The following CHST15 variants were observed in gnomAD, a reference collection of about 807,000 sequenced individuals.
CHST15 encodes the protein carbohydrate sulfotransferase 15.
Under a neutral mutation model 53.6 loss-of-function variants are expected in CHST15, and 30 were observed. The ratio of observed to expected loss-of-function variants is 0.56; its 90% confidence interval spans 0.42 to 0.76. CHST15 has a LOEUF of 0.76. Among genes scored for constraint, CHST15 ranks in the 30% least tolerant of loss-of-function variants. The pLI, the probability that CHST15 is intolerant of heterozygous loss-of-function variation, is 0.00. For missense variants in CHST15, 627 were observed against 740.5 expected, an observed-to-expected ratio of 0.85 and a Z score of 1.78; for synonymous variants, 296 against 289.8, an observed-to-expected ratio of 1.02 and a Z score of -0.22.
chr10:124,024,738 A>G lies in CHST15; in HGVS notation c.1191-3326T>C, dbSNP rs1244189678. Among the ~76,000 whole-genome samples the G allele has an allele frequency of 3.9e-5, 6 of 152,234 alleles. No individual in the cohort carries two copies. Among genetic ancestry groups the G allele is most frequent in the Admixed American group, 1.3e-4 (2 of 15,286 alleles). ...TTACTATGACCTAAATGGCTGGTCAATAAGTGCCAAAATCAGACACGCGTG... is the reference window on the plus strand; with the variant it reads ...TTACTATGACCTAAATGGCTGGTCAGTAAGTGCCAAAATCAGACACGCGTG... On this transcript the variant is annotated intron_variant, in intron 5 of 7. Coordinates refer to ENST00000435907, the MANE Select transcript of CHST15 (RefSeq NM_001270764.2). The surrounding 1 kb of genome is among the most constrained non-coding windows in gnomAD (Gnocchi z 4.0).
intron 5 of CHST15, among the ~76,000 whole-genome samples, chr10:124,025,379 G>A (rs369320648): frequency 1.3e-5 from 2 of 152,188 alleles, no homozygotes; most frequent in African/African-American, 2.4e-5. Flanking sequence ...GCCAGGCCAC[G>A]CTCCTTCCTC....
intron 3 of CHST15, among the ~76,000 whole-genome samples, chr10:124,044,154 A>ACCGGCACAGAGCTTGGGAG (rs796234018): frequency 6.7e-6 from 1 of 149,410 alleles, no homozygotes; most frequent in African/African-American, 2.5e-5. Flanking sequence ...AGAGCAGGAA[A>ACCGGCACAGAGCTTGGGAG]CGGCACAGAG....
At chr10:124,071,958 G>A (rs1402816814) in intron 1 of CHST15, among the ~76,000 whole-genome samples, 2 of 152,226 alleles carry the variant, frequency 1.3e-5, no homozygotes, top group Non-Finnish European at 2.9e-5. Context: ...GCACGAGGCT[G>A]CTCAGGCCAG....
At chr10:124,038,801 C>A (rs1947622495) in intron 4 of CHST15, 130 bp from the exon 5 acceptor site, 4 of 906,064 alleles carry the variant, frequency 4.4e-6, no homozygotes. Context: ...AAGCTGTCAG[C>A]CTTTGCGGGC....
Position 124,008,818 on chromosome 10 carries a change from C to G in CHST15, c.*1331G>C. 8.2e-7 allele frequency: 1 copy of G among 1,223,764 alleles called. No homozygotes were observed. The highest frequency in any genetic ancestry group is 1.1e-6 in the Non-Finnish European group (1 of 950,668). The allele number at this position is 1,223,764 out of a possible 1,614,324, so 75.8% of individuals were successfully genotyped here. Reference sequence around the variant, plus strand: ...GTGCAAAGCTTCATCCAGGTCCCACCTGGGCTGTTGCCAAGGATGCTCAAG... The same window carrying G: ...GTGCAAAGCTTCATCCAGGTCCCACGTGGGCTGTTGCCAAGGATGCTCAAG... On this transcript the variant is annotated 3_prime_UTR_variant, in exon 8 of 8. Coordinates refer to ENST00000435907, the MANE Select transcript of CHST15 (RefSeq NM_001270764.2).
In CHST15 at chr10:124,019,082, GA is replaced by G. The variant is rs1946681486; in HGVS notation, c.1347+2173del. The stretch of plus-strand genomic sequence containing the variant: ...AAGGTCCTCCATGCGAGGCCTGCAG[GA>G]TGGAAGAGCCACCTGCACCAGGAAA... On this transcript the variant is annotated intron_variant, in intron 6 of 7. Transcript: ENST00000435907. This position sits in a 1 kb window ranked among gnomAD's most constrained non-coding sequence, Gnocchi z 4.6. Among the ~76,000 whole-genome samples the G allele has an allele frequency of 6.6e-6, 1 of 152,164 alleles. No individual in the cohort carries two copies.
intron 1 of CHST15, among the ~76,000 whole-genome samples, chr10:124,083,977 A>G (rs903087519): frequency 3.9e-5 from 6 of 152,206 alleles, no homozygotes; most frequent in African/African-American, 1.2e-4. Flanking sequence ...GGTCCTTCCC[A>G]AGGCTCACGG....
intron 3 of CHST15, 91 bp downstream of exon 3, chr10:124,044,489 C>A: frequency 9.2e-7 from 1 of 1,092,370 alleles, no homozygotes; most frequent in Non-Finnish European, 1.2e-6. Flanking sequence ...TTTCTGCCGC[C>A]CTCGCCCCCC....
chr10:124,038,510 C>T lies in CHST15; in HGVS notation c.1190+5G>A. The T allele has an allele frequency of 6.2e-7, 1 of 1,613,496 alleles. No individual in the cohort carries two copies. Among genetic ancestry groups the T allele is most frequent in the South Asian group, 1.1e-5 (1 of 91,088 alleles). On this transcript the variant is annotated splice_donor_5th_base_variant and intron_variant, in intron 5 of 7. Coordinates refer to ENST00000435907, the MANE Select transcript of CHST15 (RefSeq NM_001270764.2). ...CCCCAAATACAACACACAGAAACTG[C>T]TCACCTCTCCACAGGGTCCCTGAGC...
Position 124,020,266 on chromosome 10 carries a change from G to C in CHST15, c.1347+990C>G, listed in dbSNP as rs1002799556. 27 of 985,544 alleles carry C rather than the reference G, an allele frequency of 2.7e-5. No individual in the cohort carries two copies. In the African/African-American group the frequency reaches 4.5e-4, roughly 17 times the overall value. 61.0% of individuals were successfully genotyped at this position (985,544 alleles called of 1,614,324 possible). A position where few individuals can be genotyped will look rare whatever the true frequency, so the allele number is the denominator to read the frequency against. On this transcript the variant is annotated intron_variant, in intron 6 of 7. Transcript: ENST00000435907. The stretch of plus-strand genomic sequence containing the variant: ...GAGTCTCAGAAAGGCTGAGACAACT[G>C]CCTAGAGTCACAGAGCCAGCAAATG...
In CHST15 at chr10:124,010,225, C is replaced by T. The variant is rs1281580042; in HGVS notation, c.1610G>A (p.Arg537Gln). The T allele has an allele frequency of 5.6e-6, 9 of 1,614,024 alleles. No individual in the cohort carries two copies. Among genetic ancestry groups the T allele is most frequent in the South Asian group, 1.1e-5 (1 of 91,084 alleles). ...AGCGTTGAAGGGCCTGTAGAAATCC[C>T]GCAGAATCTTCTGTGTGATGGGCCA... Reference protein sequence around the residue: ...PMWPITQKILRDFYRPFNARL... With the variant: ...PMWPITQKILQDFYRPFNARL... The change falls in exon 8 of 8, where the codon CGG (arginine) becomes CAG (glutamine). Residue 537 changes from arginine to glutamine, a missense_variant. Coordinates refer to ENST00000435907, the MANE Select transcript of CHST15 (RefSeq NM_001270764.2).
At chr10:124,045,378 GACCACAT>G (rs1201523391) in intron 2 of CHST15, among the ~76,000 whole-genome samples, 1 of 152,092 alleles carries the variant, frequency 6.6e-6, no homozygotes, top group Non-Finnish European at 1.5e-5. Context: ...TAACTACCAC[GACCACAT>G]ATCAAGCAAG....
intron 6 of CHST15, among the ~76,000 whole-genome samples, chr10:124,017,278 CT>C (rs1268960085): frequency 6.6e-6 from 1 of 152,204 alleles, no homozygotes; most frequent in African/African-American, 2.4e-5. Context: ...ACCTGCCCCA[CT>C]TTTCCCAGTC....
At chr10:124,093,337 C>G (rs1949666341) in intron 1 of CHST15, 132 bp downstream of exon 1, 1 of 152,510 alleles carries the variant, frequency 6.6e-6, no homozygotes, top group African/African-American at 2.4e-5. Context: ...ACTCCCTACG[C>G]CCAGCCCCGG....
chr10:124,082,042 T>TCGGC (rs1391356812), intron 1 of CHST15, among the ~76,000 whole-genome samples: 10 of 152,178 alleles, frequency 6.6e-5, no homozygotes, highest in Admixed American at 6.5e-4. Flanking sequence ...CTGTTCTTAT[T>TCGGC]CGGCCGCTGG....
intron 1 of CHST15, among the ~76,000 whole-genome samples, chr10:124,068,073 A>C (rs1012409825): frequency 1.3e-5 from 2 of 152,350 alleles, no homozygotes; most frequent in Middle Eastern, 6.8e-3. Context: ...TTAGTGAAAT[A>C]ACTGAAGCAA....
chr10:124,049,554 C>T (rs762285763), intron 1 of CHST15, among the ~76,000 whole-genome samples: 2 of 152,190 alleles, frequency 1.3e-5, no homozygotes, highest in Non-Finnish European at 2.9e-5. Flanking sequence ...GTAATGGAAC[C>T]GCCATCAAAA....
At chr10:124,025,653 G>A (rs1946972544) in intron 5 of CHST15, among the ~76,000 whole-genome samples, 1 of 152,202 alleles carries the variant, frequency 6.6e-6, no homozygotes, top group Admixed American at 6.5e-5. Flanking sequence ...CCCTGTGAAT[G>A]TGACCTTTCT....
At position 124,086,012 on chromosome 10, in the gene CHST15, C is replaced by A. The variant is rs141110477; in HGVS notation, c.-513+7457G>T. Among the ~76,000 whole-genome samples, 108 of 152,226 alleles carry A rather than the reference C, an allele frequency of 7.1e-4. 1 individual carries two copies. The highest frequency in any genetic ancestry group is 2.5e-3 in the African/African-American group (103 of 41,526). On this transcript the variant is annotated intron_variant, in intron 1 of 7. Transcript: ENST00000435907. The stretch of plus-strand genomic sequence containing the variant: ...GCACAGGCCCTGTGGGGGGCTGGGA[C>A]CAAGAGAGAGGAGGCAGAGAAGCTT...
Sources: allele counts gnomAD v4.1 joint callset (sites outside exome capture counted in the v4.1 genomes callset), GRCh38; gene constraint gnomAD v4.1.1; non-coding constraint Gnocchi (gnomAD v3.1); transcripts MANE v1.5; gene names NCBI Gene and HGNC (gene_info 2026-07-23, HGNC 2026-07-21).